Variants in SMURF1 observed in about 807,000 individuals in gnomAD.
SMURF1 encodes the protein SMAD specific E3 ubiquitin protein ligase 1.
SMURF1 carries 44 observed loss-of-function variants against 98.0 expected under a neutral mutation model. That is an observed-to-expected ratio of 0.45 (90% CI 0.35 to 0.58). The LOEUF is 0.58. Ranked by LOEUF, SMURF1 falls within the 20% of genes least tolerant of loss-of-function variation. The pLI is 0.00. For synonymous variants in SMURF1, 396 were observed against 374.9 expected, an observed-to-expected ratio of 1.06 and a Z score of -0.65; for missense variants, 687 against 938.4, an observed-to-expected ratio of 0.73 and a Z score of 3.50.
At position 99,042,235 on chromosome 7, in the gene SMURF1, G is replaced by A. The variant is rs1440893059; in HGVS notation, c.1257-3C>T. 3 of 1,597,776 alleles carry A rather than the reference G, an allele frequency of 1.9e-6. No homozygotes were observed. Among genetic ancestry groups the A allele is most frequent in the African/African-American group, 1.3e-5 (1 of 74,214 alleles). On this transcript the variant is annotated splice_polypyrimidine_tract_variant and splice_region_variant and intron_variant, in intron 11 of 17. Coordinates refer to ENST00000361368, the MANE Select transcript of SMURF1 (RefSeq NM_181349.3). ...GGCACAGCAAGTAAAGCCACTCCCTGGGAGCAAACAACAAAAATGCATTTG... is the reference window on the plus strand; with the variant it reads ...GGCACAGCAAGTAAAGCCACTCCCTAGGAGCAAACAACAAAAATGCATTTG...
At chr7:99,131,574 T>A (rs1302400348) in intron 1 of SMURF1, among the ~76,000 whole-genome samples, 2 of 152,130 alleles carry the variant, frequency 1.3e-5, no homozygotes, top group Non-Finnish European at 2.9e-5. Context: ...TGAGACCCTG[T>A]CTCTACAAAA....
intron 1 of SMURF1, among the ~76,000 whole-genome samples, chr7:99,071,122 C>T (rs150514838): frequency 6.6e-6 from 1 of 150,982 alleles, no homozygotes; most frequent in East Asian, 2.0e-4. Flanking sequence ...TGCAGTGGCA[C>T]GATCTCAGCT....
intron 1 of SMURF1, among the ~76,000 whole-genome samples, chr7:99,079,925 A>T (rs1009759628): frequency 2.0e-5 from 3 of 152,122 alleles, no homozygotes; most frequent in African/African-American, 4.8e-5. Context: ...TAAAGATAAT[A>T]GTGCAGGTTA....
chr7:99,032,738 ATGTT>A (rs1794956182), intron 17 of SMURF1, among the ~76,000 whole-genome samples: 1 of 152,228 alleles, frequency 6.6e-6, no homozygotes, highest in African/African-American at 2.4e-5. Context: ...AGAAAGATGT[ATGTT>A]AAGTTTAGCA....
intron 7 of SMURF1, 95 bp from the exon 8 acceptor site, chr7:99,051,536 A>G: frequency 1.1e-6 from 1 of 952,032 alleles, no homozygotes; most frequent in Non-Finnish European, 1.7e-6. Context: ...TATTATCTAA[A>G]TCTAGATAAC....
intron 1 of SMURF1, among the ~76,000 whole-genome samples, chr7:99,100,543 A>C (rs1797054584): frequency 6.6e-6 from 1 of 152,180 alleles, no homozygotes; most frequent in African/African-American, 2.4e-5. Context: ...AACAGAGCAA[A>C]ACTCCATCTT....
intron 1 of SMURF1, among the ~76,000 whole-genome samples, chr7:99,129,579 A>T (rs1161915719): frequency 6.6e-6 from 1 of 152,140 alleles, no homozygotes; most frequent in Non-Finnish European, 1.5e-5. Flanking sequence ...TTTTGTATAG[A>T]TAGGGTCTTG....
At chr7:99,142,732 G>A (rs1168407061) in intron 1 of SMURF1, among the ~76,000 whole-genome samples, 1 of 149,684 alleles carries the variant, frequency 6.7e-6, no homozygotes. Context: ...GGAAGGGGAG[G>A]TAGCAAAATA....
intron 6 of SMURF1, among the ~76,000 whole-genome samples, chr7:99,052,804 G>A (rs573445542): frequency 7.2e-4 from 110 of 152,248 alleles, no homozygotes; most frequent in African/African-American, 2.3e-3. Flanking sequence ...GGTGGCTCAC[G>A]CCTGTAATCC....
intron 1 of SMURF1, among the ~76,000 whole-genome samples, chr7:99,112,399 C>G (rs1797345219): frequency 6.6e-6 from 1 of 152,172 alleles, no homozygotes; most frequent in African/African-American, 2.4e-5. Flanking sequence ...GACCACTAAG[C>G]TAGTGGAAGA....
At chr7:99,043,655 T>TG (rs1795465586) in intron 11 of SMURF1, among the ~76,000 whole-genome samples, 1 of 152,106 alleles carries the variant, frequency 6.6e-6, no homozygotes, top group South Asian at 2.1e-4. Flanking sequence ...AAAAGTAAAA[T>TG]TCATTCATTT....
At chr7:99,143,312 G>A (rs1798179180) in intron 1 of SMURF1, among the ~76,000 whole-genome samples, 1 of 133,088 alleles carries the variant, frequency 7.5e-6, no homozygotes, top group Admixed American at 7.6e-5. Context: ...GAAGGGAAGC[G>A]AGAGGCAAGG....
intron 1 of SMURF1, among the ~76,000 whole-genome samples, chr7:99,072,352 A>T (rs1438708271): frequency 6.6e-6 from 1 of 152,280 alleles, no homozygotes; most frequent in Non-Finnish European, 1.5e-5. Context: ...ACATAGAAAG[A>T]TCAACAGAAA....
chr7:99,049,943 T>C (rs1352195279), intron 8 of SMURF1: 1 of 413,408 alleles, frequency 2.4e-6, no homozygotes, highest in Non-Finnish European at 4.3e-6. Context: ...CTGGGCGCGG[T>C]AGCTCACGCC....
intron 1 of SMURF1, among the ~76,000 whole-genome samples, chr7:99,129,446 C>G (rs1186097756): frequency 6.6e-6 from 1 of 152,212 alleles, no homozygotes; most frequent in Non-Finnish European, 1.5e-5. Flanking sequence ...GGCTAGAGTG[C>G]AGTGGCACAA....
In SMURF1 at chr7:99,057,430, T is replaced by G; in HGVS notation, c.325A>C (p.Lys109Gln). 1 of 1,611,770 alleles carries G rather than the reference T, an allele frequency of 6.2e-7. No homozygotes were observed. The highest frequency in any genetic ancestry group is 8.5e-7 in the Non-Finnish European group (1 of 1,179,510). ...GTTTGGTTCTTACATCCGGTATCTT[T>G]TAATCTGCTGATGGCATTGGAGAGC... ...RLLSNAISRL[K>Q]DTGYQRLDLC... The change falls in exon 4 of 18, where the codon AAA (lysine) becomes CAA (glutamine). Residue 109 changes from lysine (K) to glutamine (Q), a missense_variant. Around this residue, in one of 2 missense-constraint regions of SMURF1, gnomAD observed 415 missense variants for 508.4 expected, o/e 0.82. Transcript: ENST00000361368.
rs1158640305 is a variant in SMURF1 at position 99,057,269 on chromosome 7, G to A, written c.339C>T (p.Tyr113=). The change falls in exon 5 of 18, where the codon TAC becomes TAT. Residue 113 remains tyrosine (Y), a splice_region_variant and synonymous_variant. Coordinates refer to ENST00000361368, the MANE Select transcript of SMURF1 (RefSeq NM_181349.3). ...NAISRLKDTG[Y]QRLDLCKLNP... Reference sequence around the variant, plus strand: ...TTAGTTTGCATAGATCCAAACGCTGGTCTGTAAACAAACAATTCAAAACTT... The same window carrying A: ...TTAGTTTGCATAGATCCAAACGCTGATCTGTAAACAAACAATTCAAAACTT... The A allele has an allele frequency of 2.5e-6, 4 of 1,614,008 alleles. No individual in the cohort carries two copies. Among genetic ancestry groups the A allele is most frequent in the East Asian group, 4.5e-5 (2 of 44,892 alleles).
chr7:99,047,039 A>G (rs1211195935), intron 10 of SMURF1, among the ~76,000 whole-genome samples: 1 of 152,258 alleles, frequency 6.6e-6, no homozygotes, highest in Non-Finnish European at 1.5e-5. Flanking sequence ...AAAGGAGGGC[A>G]GGAAATGGCC....
At chr7:99,143,672 T>TCCGGGGCGGGCGAGGGGGCG (rs1165827096) in intron 1 of SMURF1, 54 bp downstream of exon 1, 1 of 1,425,428 alleles carries the variant, frequency 7.0e-7, no homozygotes, top group African/African-American at 1.6e-5. Flanking sequence ...TGCGGGGAAT[T>TCCGGGGCGGGCGAGGGGGCG]CCGGGGCGGG....
Sources: gnomAD v4.1 joint callset for allele counts (sites outside exome capture counted in the v4.1 genomes callset) on GRCh38, gnomAD v4.1.1 for gene constraint, gnomAD v4.1.1 regional missense constraint, MANE v1.5 for transcripts, NCBI Gene and HGNC (gene_info 2026-07-23, HGNC 2026-07-21) for gene names.